The following EIF3E variants were observed in gnomAD, a reference collection of about 807,000 sequenced individuals.
EIF3E encodes the protein eukaryotic translation initiation factor 3 subunit E.
Under a neutral mutation model 59.3 loss-of-function variants are expected in EIF3E, and 25 were observed. The observed-to-expected ratio is 0.42, with a 90% CI of 0.31 to 0.59. The LOEUF (loss-of-function observed/expected upper bound fraction) is 0.59, where lower values mean the gene tolerates loss of function less well. EIF3E is among the 20% of genes least tolerant of loss of function. EIF3E has a pLI of 0.15. For missense variants in EIF3E, 317 were observed against 534.3 expected (o/e 0.59, Z 4.01); for synonymous variants, 176 against 170.2 (o/e 1.03, Z -0.26).
intron 2 of EIF3E, among the ~76,000 whole-genome samples, chr8:108,241,030 G>A (rs1187822976): frequency 6.6e-6 from 1 of 151,754 alleles, no homozygotes; most frequent in Non-Finnish European, 1.5e-5. Context: ...GTTTATCCAT[G>A]ACAAACTAAA....
At chr8:108,233,975 T>G (rs528703893) in intron 5 of EIF3E, among the ~76,000 whole-genome samples, 2 of 148,686 alleles carry the variant, frequency 1.3e-5, no homozygotes, top group South Asian at 4.2e-4. Context: ...AGGCACTTAA[T>G]ACACTTTCCT....
chr8:108,223,735 T>C (rs556320062), intron 7 of EIF3E, among the ~76,000 whole-genome samples: 12 of 151,884 alleles, frequency 7.9e-5, no homozygotes, highest in Middle Eastern at 3.4e-3. Context: ...CACCTTATCT[T>C]ATATATTATG....
At chr8:108,203,635 G>T in intron 10 of EIF3E, 132 bp from the exon 11 acceptor site, 1 of 679,750 alleles carries the variant, frequency 1.5e-6, no homozygotes, top group Non-Finnish European at 2.6e-6. Flanking sequence ...TATATACCAT[G>T]ACCCCTACTG....
chr8:108,211,221 A>T (rs967713499), intron 10 of EIF3E, among the ~76,000 whole-genome samples: 2 of 152,104 alleles, frequency 1.3e-5, no homozygotes, highest in African/African-American at 4.8e-5. Context: ...CAACAGTGTA[A>T]AAGTGTTCCT....
At chr8:108,246,581 G>T (rs1020895835) in intron 1 of EIF3E, among the ~76,000 whole-genome samples, 9 of 152,198 alleles carry the variant, frequency 5.9e-5, no homozygotes, top group Admixed American at 5.9e-4. Context: ...GACGACAAGG[G>T]TTTGAACCAC....
At chr8:108,204,050 G>A (rs996778603) in intron 10 of EIF3E, among the ~76,000 whole-genome samples, 3 of 152,032 alleles carry the variant, frequency 2.0e-5, no homozygotes, top group Admixed American at 6.6e-5. Context: ...AAAAGTATAT[G>A]AGATAACATG....
rs115494772 is a variant in EIF3E, at chr8:108,228,584, C to G, written c.598-193G>C. On this transcript the variant is annotated intron_variant, in intron 6 of 12. Transcript: ENST00000220849. ...TCCCTCGACATTCCAAATTATTACCCTGTTCTTAGAGACAGATTCAATAAT... is the reference window on the plus strand; with the variant it reads ...TCCCTCGACATTCCAAATTATTACCGTGTTCTTAGAGACAGATTCAATAAT... Among the ~76,000 whole-genome samples the G allele has an allele frequency of 8.7e-3, 1,329 of 152,198 alleles. 17 individuals are homozygous for G. Among genetic ancestry groups the G allele is most frequent in the African/African-American group, 0.03 (1,236 of 41,504 alleles).
chr8:108,232,314 G>C (rs1471252794), intron 5 of EIF3E, among the ~76,000 whole-genome samples: 1 of 152,084 alleles, frequency 6.6e-6, no homozygotes, highest in East Asian at 1.9e-4. Flanking sequence ...AAAACGAATT[G>C]AATGTAACTT....
intron 1 of EIF3E, chr8:108,242,406 A>G: frequency 7.8e-7 from 1 of 1,289,434 alleles, no homozygotes; most frequent in South Asian, 1.2e-5. Context: ...AAAGGATCCA[A>G]AAAAGCATAA....
At chr8:108,214,476 A>T (rs2129861525) in intron 10 of EIF3E, 131 bp downstream of exon 10, 2 of 720,618 alleles carry the variant, frequency 2.8e-6, no homozygotes, top group Non-Finnish European at 2.2e-6. Context: ...AAATTGTTTC[A>T]TTGTTCTTCT....
chr8:108,248,050 T>TC (rs1489560801), intron 1 of EIF3E, among the ~76,000 whole-genome samples: 3 of 149,424 alleles, frequency 2.0e-5, no homozygotes, highest in Non-Finnish European at 4.4e-5. Flanking sequence ...GGGAGCGCCG[T>TC]CCCCATCTGA....
At chr8:108,212,438 TG>T (rs1450881055) in intron 10 of EIF3E, among the ~76,000 whole-genome samples, 1 of 152,212 alleles carries the variant, frequency 6.6e-6, no homozygotes, top group Non-Finnish European at 1.5e-5. Flanking sequence ...GTCCTTCACC[TG>T]AAAAGTAACT....
intron 5 of EIF3E, 61 bp from the exon 6 acceptor site, chr8:108,229,256 T>C: frequency 2.6e-6 from 4 of 1,553,422 alleles, no homozygotes; most frequent in Middle Eastern, 1.7e-4. Flanking sequence ...ACATAATGTA[T>C]GTTTTATACC....
At chr8:108,235,804 T>C (rs1326585048) in intron 4 of EIF3E, among the ~76,000 whole-genome samples, 1 of 152,256 alleles carries the variant, frequency 6.6e-6, no homozygotes, top group Non-Finnish European at 1.5e-5. Flanking sequence ...AATTTAATTC[T>C]GTTTGCCTTA....
intron 2 of EIF3E, among the ~76,000 whole-genome samples, 185 bp from the exon 3 acceptor site, chr8:108,240,260 C>G (rs1281282026): frequency 1.3e-5 from 2 of 152,038 alleles, no homozygotes; most frequent in African/African-American, 4.8e-5. Flanking sequence ...CTTTTTTCTA[C>G]TAATACAAAG....
At chr8:108,210,904 T>C (rs1391612765) in intron 10 of EIF3E, among the ~76,000 whole-genome samples, 2 of 152,192 alleles carry the variant, frequency 1.3e-5, no homozygotes, top group Non-Finnish European at 1.5e-5. Flanking sequence ...GCTTCATCCA[T>C]GTCCCTACAA....
intron 10 of EIF3E, among the ~76,000 whole-genome samples, chr8:108,212,161 A>G (rs672408): frequency 0.5 from 76,261 of 152,014 alleles, 19,197 homozygotes; most frequent in African/African-American, 0.58. Flanking sequence ...GAGGTGTCTT[A>G]GTAGTCAGGA....
intron 10 of EIF3E, among the ~76,000 whole-genome samples, 170 bp from the exon 11 acceptor site, chr8:108,203,673 T>C (rs1181670375): frequency 1.3e-5 from 2 of 152,084 alleles, no homozygotes; most frequent in Admixed American, 6.6e-5. Flanking sequence ...CTTGTGCCTA[T>C]TGACTTGTAC....
intron 10 of EIF3E, among the ~76,000 whole-genome samples, chr8:108,204,776 G>T (rs1339455384): frequency 8.0e-6 from 1 of 124,578 alleles, no homozygotes; most frequent in African/African-American, 3.6e-5. Context: ...GAGAGAGAGA[G>T]AGAGACAGAG....
Sources: gnomAD v4.1 joint callset for allele counts (sites outside exome capture counted in the v4.1 genomes callset) on GRCh38, gnomAD v4.1.1 for gene constraint, MANE v1.5 for transcripts, NCBI Gene and HGNC (gene_info 2026-07-23, HGNC 2026-07-21) for gene names.